SLC8A3: variants seen among roughly 807,000 people sequenced by gnomAD.
The protein encoded by SLC8A3 is sodium/calcium exchanger 3.
In SLC8A3, 37 loss-of-function variants were observed where a neutral mutation model predicts 65.4. That is an observed-to-expected ratio of 0.57 (90% CI 0.44 to 0.74). The LOEUF is 0.74. SLC8A3 is among the 30% of genes least tolerant of loss of function. SLC8A3 has a pLI of 0.00. For synonymous variants in SLC8A3, 461 were observed against 444.5 expected, an observed-to-expected ratio of 1.04 and a Z score of -0.47; for missense variants, 1,112 against 1,172.1, an observed-to-expected ratio of 0.95 and a Z score of 0.75.
At chr14:70,162,627 A>G (rs1896956030) in intron 2 of SLC8A3, among the ~76,000 whole-genome samples, 1 of 152,210 alleles carries the variant, frequency 6.6e-6, no homozygotes, top group African/African-American at 2.4e-5. Flanking sequence ...AGAGCCTGGG[A>G]TATAGGAGCC....
chr14:70,166,987 T>G lies in SLC8A3; in HGVS notation c.1436A>C (p.His479Pro). ...IDDDIFEEDEHFFVRLSNVRI... is the reference protein window; with the variant it reads ...IDDDIFEEDEPFFVRLSNVRI... The stretch of plus-strand genomic sequence containing the variant: ...GACATTGCTCAACCTTACAAAGAAG[T>G]GTTCATCCTCCTCAAAAATGTCGTC... The change falls in exon 2 of 7, where the codon CAC (histidine) becomes CCC (proline). Residue 479 changes from histidine to proline, a missense_variant. Physicochemically the swap from His to Pro is moderately conservative, Grantham distance 77. Coordinates refer to ENST00000356921, the MANE Select transcript of SLC8A3 (RefSeq NM_182932.3). The G allele has an allele frequency of 6.2e-7, 1 of 1,614,066 alleles. No homozygotes were observed. The highest frequency in any genetic ancestry group is 8.5e-7 in the Non-Finnish European group (1 of 1,179,990).
chr14:70,144,333 A>ATTT (rs1895777944), intron 2 of SLC8A3, among the ~76,000 whole-genome samples: 9 of 90,538 alleles, frequency 9.9e-5, no homozygotes, highest in Non-Finnish European at 2.0e-4. Context: ...TTTTTTTTTA[A>ATTT]AAAAAAAAAA....
At chr14:70,104,957 T>C (rs1434718933) in intron 2 of SLC8A3, among the ~76,000 whole-genome samples, 1 of 151,984 alleles carries the variant, frequency 6.6e-6, no homozygotes, top group African/African-American at 2.4e-5. Context: ...AAGATAAGAA[T>C]TGGAATCAGT....
intron 2 of SLC8A3, among the ~76,000 whole-genome samples, chr14:70,126,902 CAA>C (rs5809465): frequency 2.7e-5 from 4 of 149,300 alleles, no homozygotes; most frequent in Non-Finnish European, 5.9e-5. Context: ...TGCAAATATT[CAA>C]AAAAAAAATC....
intron 1 of SLC8A3, among the ~76,000 whole-genome samples, chr14:70,184,187 A>G (rs1882992852): frequency 1.3e-5 from 2 of 152,174 alleles, no homozygotes; most frequent in African/African-American, 4.8e-5. Context: ...CCTCACCTTC[A>G]TAGACTGCCG....
rs1207823919 is a variant in SLC8A3 at position 70,168,488 on chromosome 14, G to C, written c.-62-4C>G. On this transcript the variant is annotated splice_region_variant and splice_polypyrimidine_tract_variant and intron_variant, in intron 1 of 6. Transcript: ENST00000356921. The stretch of plus-strand genomic sequence containing the variant: ...GTCCTCCTGATAGGCCAGAGACCTA[G>C]AAAAGATCAGAGAGGCAGGAAAAGG... 1.5e-6 allele frequency: 2 copies of C among 1,325,612 alleles called. No homozygotes were observed. The highest frequency in any genetic ancestry group is 2.9e-5 in the African/African-American group (2 of 68,216). 82.1% of individuals were successfully genotyped at this position (1,325,612 alleles called of 1,614,324 possible). A position where few individuals can be genotyped will look rare whatever the true frequency, so the allele number is the denominator to read the frequency against.
chr14:70,046,448 G>T lies in SLC8A3; in HGVS notation c.2390-125C>A, dbSNP rs1305589266. The T allele has an allele frequency of 1.7e-5, 16 of 951,546 alleles. No homozygotes were observed. The East Asian group carries it at 3.3e-4, about 20-fold the overall frequency. The allele number at this position is 951,546 out of a possible 1,614,324, so 58.9% of individuals were successfully genotyped here. ...ACCCAGGAATGAGAGACAAGGGCTAGGGGGCCACTCCTAACTCCTAGTTCT... is the reference window on the plus strand; with the variant it reads ...ACCCAGGAATGAGAGACAAGGGCTATGGGGCCACTCCTAACTCCTAGTTCT... On this transcript the variant is annotated intron_variant, in intron 6 of 6. Transcript: ENST00000356921. This position sits in a 1 kb window ranked among gnomAD's most constrained non-coding sequence, Gnocchi z 4.2.
At chr14:70,138,284 G>A (rs1895348999) in intron 2 of SLC8A3, among the ~76,000 whole-genome samples, 1 of 152,190 alleles carries the variant, frequency 6.6e-6, no homozygotes, top group South Asian at 2.1e-4. Flanking sequence ...AGCTCCGCTG[G>A]GCAGGGATTG....
chr14:70,173,933 G>T (rs1415670929), intron 1 of SLC8A3, among the ~76,000 whole-genome samples: 2 of 152,202 alleles, frequency 1.3e-5, no homozygotes. Flanking sequence ...ATCCAAGGAG[G>T]AAAATATAAT....
At position 70,084,776 on chromosome 14, in the gene SLC8A3, C is replaced by G. The variant is rs1399534271; in HGVS notation, c.1785-23837G>C. The stretch of plus-strand genomic sequence containing the variant: ...GAGAAATTAAGAAACTGTCTCAGCT[C>G]AGAAAACTGGATTTCAGGGTCTGAA... On this transcript the variant is annotated intron_variant, in intron 2 of 6. Coordinates refer to ENST00000356921, the MANE Select transcript of SLC8A3 (RefSeq NM_182932.3). 2.6e-5 allele frequency among the ~76,000 whole-genome samples: 4 copies of G among 152,290 alleles called. No individual in the cohort carries two copies. In the South Asian group the frequency reaches 8.3e-4, roughly 32 times the overall value.
At chr14:70,088,366 C>T (rs1891582042) in intron 2 of SLC8A3, among the ~76,000 whole-genome samples, 1 of 152,178 alleles carries the variant, frequency 6.6e-6, no homozygotes, top group African/African-American at 2.4e-5. Context: ...ACTGCTCTTT[C>T]TTTCCTAAGG....
intron 2 of SLC8A3, among the ~76,000 whole-genome samples, chr14:70,158,745 AT>A (rs1240422491): frequency 2.0e-5 from 3 of 152,070 alleles, no homozygotes; most frequent in Admixed American, 2.0e-4. Flanking sequence ...AGAAAAACAT[AT>A]TTTTTCCATA....
chr14:70,053,905 C>T (rs1275355261), intron 3 of SLC8A3, among the ~76,000 whole-genome samples: 1 of 152,164 alleles, frequency 6.6e-6, no homozygotes, highest in African/African-American at 2.4e-5. Context: ...CTATTTTTGT[C>T]ATGATCTTTC....
chr14:70,103,327 G>C (rs1415145494), intron 2 of SLC8A3, among the ~76,000 whole-genome samples: 1 of 152,028 alleles, frequency 6.6e-6, no homozygotes, highest in Non-Finnish European at 1.5e-5. Flanking sequence ...TTACAGATAA[G>C]ACTGAAACAG....
intron 2 of SLC8A3, among the ~76,000 whole-genome samples, chr14:70,071,104 A>C (rs540834825): frequency 6.6e-6 from 1 of 152,312 alleles, no homozygotes; most frequent in Non-Finnish European, 1.5e-5. Context: ...GTTTGCTCAA[A>C]GTGGGTGTCT....
At chr14:70,171,909 T>A (rs964901165) in intron 1 of SLC8A3, among the ~76,000 whole-genome samples, 4 of 152,210 alleles carry the variant, frequency 2.6e-5, no homozygotes, top group Admixed American at 6.5e-5. Flanking sequence ...GCCTAGTTCC[T>A]CTTTGCAGCC....
chr14:70,046,361 G>A lies in SLC8A3; in HGVS notation c.2390-38C>T. 1 of 1,560,480 alleles carries A rather than the reference G, an allele frequency of 6.4e-7. No homozygotes were observed. Among genetic ancestry groups the A allele is most frequent in the African/African-American group, 1.4e-5 (1 of 73,594 alleles). ...AAAGACACATGGGAACTGGTAGGAG[G>A]CTAAGGTGTGCAGGGCTTGTCTTCC... is the stretch of plus-strand genomic sequence containing the variant. On this transcript the variant is annotated intron_variant, in intron 6 of 6. Transcript: ENST00000356921. This position sits in a 1 kb window ranked among gnomAD's most constrained non-coding sequence, Gnocchi z 4.2.
At chr14:70,150,053 G>A (rs908549627) in intron 2 of SLC8A3, among the ~76,000 whole-genome samples, 7 of 152,142 alleles carry the variant, frequency 4.6e-5, no homozygotes, top group Admixed American at 4.6e-4. Context: ...GGATTGGGGA[G>A]GGAATACAAT....
chr14:70,127,196 A>G (rs1303491898), intron 2 of SLC8A3, among the ~76,000 whole-genome samples: 2 of 152,106 alleles, frequency 1.3e-5, no homozygotes, highest in Admixed American at 6.5e-5. Context: ...GGTGGGAGAA[A>G]GTAAGCTGTA....
Sources: gnomAD v4.1 joint callset for allele counts (sites outside exome capture counted in the v4.1 genomes callset) on GRCh38, gnomAD v4.1.1 for gene constraint, Gnocchi (gnomAD v3.1) non-coding constraint, MANE v1.5 for transcripts, NCBI Gene and HGNC (gene_info 2026-07-23, HGNC 2026-07-21) for gene names.